The following TEX36 variants were observed in gnomAD, a reference collection of about 807,000 sequenced individuals.
TEX36 encodes the protein testis-expressed protein 36.
A neutral mutation model predicts 13.6 loss-of-function variants in TEX36; 12 were observed. The observed-to-expected ratio is 0.88, with a 90% CI of 0.56 to 1.43. TEX36 has a LOEUF of 1.43. Among genes scored for constraint, TEX36 ranks in the 40% most tolerant of loss-of-function variants. The probability of loss-of-function intolerance (pLI) is 0.00; values close to 1 mark genes in which losing one functional copy is unlikely to be tolerated. For synonymous variants in TEX36, 93 were observed against 83.0 expected (o/e 1.12, Z -0.65); for missense variants, 224 against 228.3 (o/e 0.98, Z 0.12).
At chr10:125,672,945 C>T (rs1847256344) in intron 1 of TEX36, among the ~76,000 whole-genome samples, 1 of 152,168 alleles carries the variant, frequency 6.6e-6, no homozygotes, top group African/African-American at 2.4e-5. Flanking sequence ...ACTAGGCTCA[C>T]AACCCCTGTT....
chr10:125,617,542 A>T (rs1846375232), downstream of TEX36, among the ~76,000 whole-genome samples: 2 of 152,118 alleles, frequency 1.3e-5, no homozygotes, highest in African/African-American at 4.8e-5. Flanking sequence ...TCTTTCACTT[A>T]TGAAGCTTAG....
chr10:125,659,898 TTCTA>T (rs1198613750), intron 3 of TEX36, among the ~76,000 whole-genome samples: 3 of 152,196 alleles, frequency 2.0e-5, no homozygotes, highest in Admixed American at 1.3e-4. Flanking sequence ...TGATACAGCT[TTCTA>T]TCTAATAGGT....
At chr10:125,652,270 T>C (rs1036241028), downstream of TEX36, among the ~76,000 whole-genome samples, 11 of 152,184 alleles carry the variant, frequency 7.2e-5, no homozygotes, top group South Asian at 1.9e-3. Context: ...AACAGCATGG[T>C]ACTGGTACCA....
downstream of TEX36, among the ~76,000 whole-genome samples, chr10:125,654,144 G>A (rs557746570): frequency 3.3e-5 from 5 of 152,140 alleles, no homozygotes; most frequent in Non-Finnish European, 7.4e-5. Flanking sequence ...ATCGAGAAGA[G>A]AATCAACTGA....
chr10:125,650,459 G>A (rs1846834861), intron 3 of TEX36, among the ~76,000 whole-genome samples: 1 of 152,114 alleles, frequency 6.6e-6, no homozygotes, highest in Non-Finnish European at 1.5e-5. Context: ...TGAGAACAAA[G>A]ACACATCATA....
At chr10:125,641,948 G>T (rs1589768298) in intron 3 of TEX36, among the ~76,000 whole-genome samples, 1 of 152,144 alleles carries the variant, frequency 6.6e-6, no homozygotes, top group East Asian at 1.9e-4. Flanking sequence ...TTAAGGGGAG[G>T]TTATCTAATT....
chr10:125,670,672 C>T (rs1847210004), intron 1 of TEX36, among the ~76,000 whole-genome samples: 1 of 152,110 alleles, frequency 6.6e-6, no homozygotes, highest in Non-Finnish European at 1.5e-5. Context: ...TTGCCCTTTC[C>T]TATGTCCTGA....
intron 1 of TEX36, among the ~76,000 whole-genome samples, chr10:125,682,693 G>A (rs1847415131): frequency 6.6e-6 from 1 of 152,216 alleles, no homozygotes. Context: ...GAGCAGGAAT[G>A]ACTGCTTAGT....
intron 3 of TEX36, among the ~76,000 whole-genome samples, chr10:125,608,219 C>T (rs1426521466): frequency 1.3e-5 from 2 of 152,096 alleles, no homozygotes; most frequent in African/African-American, 4.8e-5. Flanking sequence ...GTGAAACCAC[C>T]CCAAAGCTTG....
chr10:125,583,808 A>T (rs1009956816), intron 3 of TEX36, among the ~76,000 whole-genome samples: 5 of 152,234 alleles, frequency 3.3e-5, no homozygotes, highest in Non-Finnish European at 4.4e-5. Flanking sequence ...AAACTAAAAA[A>T]TTCTTTGAAA....
downstream of TEX36, among the ~76,000 whole-genome samples, chr10:125,653,641 A>T: frequency 6.6e-6 from 1 of 152,086 alleles, no homozygotes; most frequent in East Asian, 1.9e-4. Context: ...TATAATAATA[A>T]TAATAAAAAT....
intron 3 of TEX36, among the ~76,000 whole-genome samples, chr10:125,590,087 G>A (rs1846002849): frequency 6.6e-6 from 1 of 152,072 alleles, no homozygotes; most frequent in African/African-American, 2.4e-5. Flanking sequence ...GTCTGTTAAT[G>A]TCTCTCAGCC....
At chr10:125,582,761 G>A (rs1448231918) in intron 3 of TEX36, among the ~76,000 whole-genome samples, 1 of 152,170 alleles carries the variant, frequency 6.6e-6, no homozygotes, top group Admixed American at 6.5e-5. Context: ...ACTTTGGGTT[G>A]CTAGGAGATA....
intron 3 of TEX36, among the ~76,000 whole-genome samples, chr10:125,593,399 C>T (rs142865307): frequency 1.3e-5 from 2 of 152,356 alleles, no homozygotes; most frequent in Non-Finnish European, 2.9e-5. Context: ...TAGACCTAGA[C>T]TTCTCATCCT....
intron 3 of TEX36, among the ~76,000 whole-genome samples, chr10:125,585,362 C>T (rs973853941): frequency 6.6e-6 from 1 of 152,160 alleles, no homozygotes; most frequent in African/African-American, 2.4e-5. Context: ...GAAGACAATA[C>T]CCCAAAGTAT....
chr10:125,577,082 GTCTA>G (rs2133517459), intron 3 of TEX36, among the ~76,000 whole-genome samples: 1 of 152,300 alleles, frequency 6.6e-6, no homozygotes, highest in Admixed American at 6.5e-5. Context: ...GCTCAGTTGG[GTCTA>G]TCTCTCTGAC....
chr10:125,595,881 T>A (rs192380101), intron 3 of TEX36, among the ~76,000 whole-genome samples: 1 of 152,192 alleles, frequency 6.6e-6, no homozygotes, highest in African/African-American at 2.4e-5. Flanking sequence ...AAGGCAGGGA[T>A]TTTTTCTATT....
rs75024332 is a variant in TEX36, at chr10:125,668,355, C to T, written c.52-6378G>A. ...GATTCAGTCTCACTATTCAGCATTG[C>T]TCTGTTCAGATTTTCATTCCTTCCT... is the stretch of plus-strand genomic sequence containing the variant. On this transcript the variant is annotated intron_variant, in intron 1 of 3. Coordinates refer to ENST00000368821, the MANE Select transcript of TEX36 (RefSeq NM_001128202.3). Among the ~76,000 whole-genome samples, 893 of 151,838 alleles carry T rather than the reference C, an allele frequency of 5.9e-3. 12 individuals are homozygous for T. The highest frequency in any genetic ancestry group is 0.021 in the African/African-American group (849 of 41,384).
chr10:125,591,229 T>C (rs995293628), intron 3 of TEX36, among the ~76,000 whole-genome samples: 2 of 152,370 alleles, frequency 1.3e-5, no homozygotes, highest in Admixed American at 1.3e-4. Flanking sequence ...GCCTGGCCTA[T>C]CTGGGAAGCA....
Sources: gnomAD v4.1 joint callset for allele counts (sites outside exome capture counted in the v4.1 genomes callset) on GRCh38, gnomAD v4.1.1 for gene constraint, MANE v1.5 for transcripts, NCBI Gene and HGNC (gene_info 2026-07-23, HGNC 2026-07-21) for gene names.